UNC13C: variants seen among roughly 807,000 people sequenced by gnomAD.
The protein encoded by UNC13C is protein unc-13 homolog C.
A neutral mutation model predicts 245.4 loss-of-function variants in UNC13C; 174 were observed. That is an observed-to-expected ratio of 0.71 (90% CI 0.63 to 0.80). The LOEUF is 0.80. UNC13C is among the 30% of genes least tolerant of loss of function. UNC13C has a pLI of 0.00. For missense variants in UNC13C, 2,829 were observed against 2,602.9 expected (o/e 1.09, Z -1.89); for synonymous variants, 992 against 895.1 (o/e 1.11, Z -1.93).
At chr15:54,199,431 G>T (rs1424303893) in intron 4 of UNC13C, among the ~76,000 whole-genome samples, 2 of 152,080 alleles carry the variant, frequency 1.3e-5, no homozygotes, top group African/African-American at 2.4e-5. Context: ...AATCTTAAGA[G>T]TTGTGACGTA....
the UNC13C span, among the ~76,000 whole-genome samples, chr15:53,850,184 G>A: frequency 5.3e-5 from 8 of 152,134 alleles, no homozygotes; most frequent in East Asian, 1.6e-3. Flanking sequence ...GGGAGGATGA[G>A]GCAGGAGGAT....
chr15:54,060,348 C>G (rs1292857688), intron 2 of UNC13C, among the ~76,000 whole-genome samples: 2 of 152,070 alleles, frequency 1.3e-5, no homozygotes, highest in Non-Finnish European at 2.9e-5. Flanking sequence ...ATTTATGCAG[C>G]CAACAGACAC....
chr15:54,557,299 G>A (rs1897131499), intron 29 of UNC13C, among the ~76,000 whole-genome samples: 1 of 151,734 alleles, frequency 6.6e-6, no homozygotes, highest in Non-Finnish European at 1.5e-5. Flanking sequence ...TCTTTCTCTA[G>A]GCACCTCCAT....
the UNC13C span, among the ~76,000 whole-genome samples, chr15:53,925,897 T>G: frequency 2.6e-5 from 4 of 152,190 alleles, no homozygotes; most frequent in African/African-American, 9.6e-5. Flanking sequence ...CTGTAAAATA[T>G]GAAATGAATT....
At chr15:54,498,935 A>T (rs992411403) in intron 20 of UNC13C, among the ~76,000 whole-genome samples, 2 of 152,168 alleles carry the variant, frequency 1.3e-5, no homozygotes, top group Non-Finnish European at 1.5e-5. Context: ...TACAAAGGCA[A>T]TCTACAAACT....
At chr15:54,119,899 A>G (rs920668319) in intron 2 of UNC13C, among the ~76,000 whole-genome samples, 5 of 152,176 alleles carry the variant, frequency 3.3e-5, no homozygotes, top group African/African-American at 9.6e-5. Context: ...CTAAGGCTCC[A>G]CAATTCTATG....
chr15:54,324,740 A>C (rs2038250003), intron 14 of UNC13C, among the ~76,000 whole-genome samples: 1 of 152,064 alleles, frequency 6.6e-6, no homozygotes, highest in Admixed American at 6.6e-5. Context: ...AGAGAGTTCA[A>C]GTAAAATGGA....
Position 54,351,687 on chromosome 15 carries a change from C to T in UNC13C, c.4713+13198C>T, listed in dbSNP as rs577745782. On this transcript the variant is annotated intron_variant, in intron 17 of 32. Coordinates refer to ENST00000260323, the MANE Select transcript of UNC13C (RefSeq NM_001080534.3). ...CAGTGTAGGAATTTTATCTCTCTTG[C>T]TCACCAATGCATTTTTTATATCCAA... is the stretch of plus-strand genomic sequence containing the variant. Among the ~76,000 whole-genome samples, 13 of 152,230 alleles carry T rather than the reference C, an allele frequency of 8.5e-5. No homozygotes were observed. The South Asian group carries it at 1.0e-3, about 12-fold the overall frequency.
chr15:54,088,269 G>A (rs1276234260), intron 2 of UNC13C, among the ~76,000 whole-genome samples: 2 of 128,846 alleles, frequency 1.6e-5, no homozygotes, highest in Admixed American at 9.4e-5. Context: ...TTTCATGGCC[G>A]TAATTTGTCA....
chr15:54,102,480 C>CT (rs1006593827), intron 2 of UNC13C, among the ~76,000 whole-genome samples: 14 of 152,250 alleles, frequency 9.2e-5, no homozygotes, highest in African/African-American at 3.4e-4. Flanking sequence ...GAGCTGTCAC[C>CT]TACACACATC....
At chr15:53,943,534 C>T in the UNC13C span, among the ~76,000 whole-genome samples, 4 of 152,048 alleles carry the variant, frequency 2.6e-5, no homozygotes, top group African/African-American at 9.7e-5. Context: ...TTTGGAAGAA[C>T]TGATATTTTG....
chr15:54,306,923 C>A (rs752484840), intron 13 of UNC13C, among the ~76,000 whole-genome samples: 5 of 151,906 alleles, frequency 3.3e-5, no homozygotes, highest in Non-Finnish European at 1.5e-5. Flanking sequence ...AGGAGTCTAT[C>A]TGTAAAAAAG....
At chr15:54,317,916 G>A (rs1394822211) in intron 13 of UNC13C, among the ~76,000 whole-genome samples, 1 of 151,804 alleles carries the variant, frequency 6.6e-6, no homozygotes, top group Non-Finnish European at 1.5e-5. Flanking sequence ...CCAACCTCTA[G>A]TAACTACCTT....
At chr15:54,411,516 T>G (rs574695801) in intron 18 of UNC13C, among the ~76,000 whole-genome samples, 62 of 152,310 alleles carry the variant, frequency 4.1e-4, no homozygotes, top group Admixed American at 3.5e-3. Context: ...AAATGTTTAA[T>G]TTGTTGCAAG....
the UNC13C span, among the ~76,000 whole-genome samples, chr15:53,872,864 C>A: frequency 6.6e-6 from 1 of 152,162 alleles, no homozygotes; most frequent in Non-Finnish European, 1.5e-5. Context: ...ACACATTAAA[C>A]CATATTATTT....
intron 2 of UNC13C, among the ~76,000 whole-genome samples, chr15:54,136,835 T>C (rs963939612): frequency 8.3e-6 from 1 of 120,532 alleles, no homozygotes; most frequent in Non-Finnish European, 1.7e-5. Flanking sequence ...TCTTTTATTT[T>C]TGTGTATCAC....
intron 28 of UNC13C, among the ~76,000 whole-genome samples, chr15:54,552,780 A>T (rs1896869581): frequency 1.0e-5 from 1 of 95,660 alleles, no homozygotes; most frequent in Non-Finnish European, 1.8e-5. Flanking sequence ...TACAATATAT[A>T]ATATAATATA....
chr15:53,980,078 C>T (rs573536867), intron 1 of UNC13C, among the ~76,000 whole-genome samples: 2 of 152,120 alleles, frequency 1.3e-5, no homozygotes, highest in East Asian at 3.9e-4. Context: ...ATTGTTGTTC[C>T]CACTTTCTTA....
At chr15:54,170,767 G>A (rs995754384) in intron 4 of UNC13C, among the ~76,000 whole-genome samples, 5 of 152,150 alleles carry the variant, frequency 3.3e-5, no homozygotes, top group Admixed American at 2.6e-4. Flanking sequence ...CTTTTTGTAA[G>A]TATGTTTTGG....
Sources: gnomAD v4.1 joint callset for allele counts (sites outside exome capture counted in the v4.1 genomes callset) on GRCh38, gnomAD v4.1.1 for gene constraint, MANE v1.5 for transcripts, NCBI Gene and HGNC (gene_info 2026-07-23, HGNC 2026-07-21) for gene names.